IFT140: variants seen among roughly 807,000 people sequenced by gnomAD.
IFT140 encodes the protein intraflagellar transport protein 140 homolog.
In IFT140, 133 loss-of-function variants were observed where a neutral mutation model predicts 164.6. That is an observed-to-expected ratio of 0.81 (90% CI 0.70 to 0.93). The LOEUF is 0.93. Among genes scored for constraint, IFT140 ranks in the 40% least tolerant of loss-of-function variants. The probability of loss-of-function intolerance (pLI) is 0.00; values close to 1 mark genes in which losing one functional copy is unlikely to be tolerated. For synonymous variants in IFT140, 860 were observed against 817.3 expected (o/e 1.05, Z -0.89); for missense variants, 2,045 against 1,972.3 (o/e 1.04, Z -0.70).
chr16:1,604,756 A>T (rs1239772353), intron 3 of IFT140, among the ~76,000 whole-genome samples: 1 of 152,074 alleles, frequency 6.6e-6, no homozygotes, highest in Non-Finnish European at 1.5e-5. Flanking sequence ...GGCAAGCAGC[A>T]GCAGACTCGC....
chr16:1,572,919 T>G (rs1388869187), intron 13 of IFT140, among the ~76,000 whole-genome samples: 2 of 152,120 alleles, frequency 1.3e-5, no homozygotes, highest in African/African-American at 2.4e-5. Flanking sequence ...GAATGCATCC[T>G]GGGGCCAAGA....
intron 19 of IFT140, among the ~76,000 whole-genome samples, chr16:1,538,151 G>A (rs935692682): frequency 2.0e-5 from 3 of 152,188 alleles, no homozygotes; most frequent in Non-Finnish European, 2.9e-5. Context: ...AGGAAGGCTC[G>A]GGCAGGAGTG....
rs1035092384 is a variant in IFT140 at position 1,553,072 on chromosome 16, G to A, written c.2399+4863C>T. The stretch of plus-strand genomic sequence containing the variant: ...TCACTGTCATTGTTCAGGACAAAAT[G>A]GAGATAGATAAATGCTTAATTCATA... On this transcript the variant is annotated intron_variant, in intron 19 of 30. Coordinates refer to ENST00000426508, the MANE Select transcript of IFT140 (RefSeq NM_014714.4). The surrounding 1 kb of genome is among the most constrained non-coding windows in gnomAD (Gnocchi z 4.4). 2.0e-6 allele frequency: 2 copies of A among 985,300 alleles called. No individual in the cohort carries two copies. Among genetic ancestry groups the A allele is most frequent in the Admixed American group, 6.1e-5 (1 of 16,266 alleles). 61.0% of individuals were successfully genotyped at this position (985,300 alleles called of 1,614,324 possible). A position where few individuals can be genotyped will look rare whatever the true frequency, so the allele number is the denominator to read the frequency against.
chr16:1,534,122 C>T lies in IFT140; in HGVS notation c.2400-7326G>A, dbSNP rs368737142. On this transcript the variant is annotated intron_variant, in intron 19 of 30. Transcript: ENST00000426508. ...GATAAGGCCGGGCCGAGAGGCGGCA[C>T]ACCTGGACCATCCCATGGGCCTCCG... The T allele has an allele frequency of 6.6e-5, 62 of 935,910 alleles. No homozygotes were observed. The East Asian group carries it at 8.2e-4, about 12-fold the overall frequency. The allele number at this position is 935,910 out of a possible 1,614,324, so 58.0% of individuals were successfully genotyped here. A position where few individuals can be genotyped will look rare whatever the true frequency, so the allele number is the denominator to read the frequency against.
intron 19 of IFT140, among the ~76,000 whole-genome samples, chr16:1,537,081 C>T (rs896009556): frequency 2.0e-5 from 3 of 152,244 alleles, no homozygotes; most frequent in Non-Finnish European, 4.4e-5. Flanking sequence ...CTTGTAAAAT[C>T]ACCCAGCACG....
In IFT140 at chr16:1,516,749, G is replaced by T. The variant is rs1185535871; in HGVS notation, c.4182+1467C>A. ...TGCACCACCGCACTCCAGCCTGGGC[G>T]ACAGAGCGACACTCTGTCTCAAAAA... On this transcript the variant is annotated intron_variant, in intron 30 of 30. Transcript: ENST00000426508. 3.0e-5 allele frequency among the ~76,000 whole-genome samples: 4 copies of T among 131,836 alleles called. No homozygotes were observed. The Admixed American group carries it at 3.4e-4, about 11-fold the overall frequency. The allele number at this position is 131,836 out of a possible 152,430, so 86.5% of individuals were successfully genotyped here.
intron 12 of IFT140, among the ~76,000 whole-genome samples, chr16:1,581,705 G>A (rs2034566045): frequency 7.0e-6 from 1 of 142,002 alleles, no homozygotes; most frequent in Non-Finnish European, 1.5e-5. Flanking sequence ...CTTGCTCCTA[G>A]GGAGTCTACA....
intron 7 of IFT140, among the ~76,000 whole-genome samples, chr16:1,589,127 G>C (rs373137081): frequency 3.3e-5 from 5 of 152,332 alleles, no homozygotes; most frequent in African/African-American, 1.2e-4. Flanking sequence ...GTAAAGGCCC[G>C]AATGAACACT....
At chr16:1,552,886 C>T in intron 19 of IFT140, 1 of 809,144 alleles carries the variant, frequency 1.2e-6, no homozygotes, top group East Asian at 1.3e-4. Flanking sequence ...AACTCGTGAC[C>T]TCGTGATCCA....
In IFT140 at chr16:1,600,868, T is replaced by C. The variant is rs142440401; in HGVS notation, c.369+1502A>G. 3.4e-5 allele frequency among the ~76,000 whole-genome samples: 5 copies of C among 148,500 alleles called. No individual in the cohort carries two copies. The East Asian group carries it at 7.9e-4, about 23-fold the overall frequency. ...TCTATAAAACAACCAGTCTACATCC[T>C]CAAAATGTAAATTTCATGAAAGACC... On this transcript the variant is annotated intron_variant, in intron 4 of 30. Coordinates refer to ENST00000426508, the MANE Select transcript of IFT140 (RefSeq NM_014714.4).
At position 1,564,405 on chromosome 16, in the gene IFT140, G is replaced by A. The variant is rs761932444; in HGVS notation, c.1902-243C>T. ...TTTGAAAGAACCACAAAAAGATGAC[G>A]CTTTGATTCTGGAGGCCTTATGGGG... is the stretch of plus-strand genomic sequence containing the variant. On this transcript the variant is annotated intron_variant, in intron 16 of 30. Transcript: ENST00000426508. This position sits in a 1 kb window ranked among gnomAD's most constrained non-coding sequence, Gnocchi z 5.5. Among the ~76,000 whole-genome samples the A allele has an allele frequency of 4.6e-5, 7 of 152,306 alleles. No homozygotes were observed. Among genetic ancestry groups the A allele is most frequent in the South Asian group, 2.1e-4 (1 of 4,828 alleles).
intron 19 of IFT140, among the ~76,000 whole-genome samples, chr16:1,539,216 G>A (rs986647066): frequency 3.4e-5 from 5 of 146,182 alleles, no homozygotes; most frequent in Non-Finnish European, 7.5e-5. Context: ...CGGTGCCAAC[G>A]CCGACCCAAG....
intron 13 of IFT140, chr16:1,577,390 T>C (rs2034330691): frequency 6.6e-6 from 1 of 152,236 alleles, no homozygotes; most frequent in African/African-American, 2.4e-5. Context: ...ATGTAATACA[T>C]AGAACATATG....
rs551132292 is a variant in IFT140 at position 1,531,990 on chromosome 16, G to A, written c.2400-5194C>T. On this transcript the variant is annotated intron_variant, in intron 19 of 30. Transcript: ENST00000426508. This position sits in a 1 kb window ranked among gnomAD's most constrained non-coding sequence, Gnocchi z 4.7. The stretch of plus-strand genomic sequence containing the variant: ...ATTAATGGTTTAGTTAATTAAGGAG[G>A]AAATAAATTCTTCCCCCATGGAAAC... 11 of 152,382 alleles carry A rather than the reference G, an allele frequency of 7.2e-5. No individual in the cohort carries two copies. The highest frequency in any genetic ancestry group is 7.2e-4 in the Admixed American group (11 of 15,304). 9.4% of individuals were successfully genotyped at this position (152,382 alleles called of 1,614,324 possible).
chr16:1,541,478 C>A (rs951232892), intron 19 of IFT140: 1 of 985,412 alleles, frequency 1.0e-6, no homozygotes, highest in Non-Finnish European at 1.2e-6. Context: ...GAGCTGGCCC[C>A]CCGCGGAGTC....
At chr16:1,573,035 G>A (rs535824305) in intron 13 of IFT140, among the ~76,000 whole-genome samples, 2 of 152,156 alleles carry the variant, frequency 1.3e-5, no homozygotes, top group African/African-American at 2.4e-5. Flanking sequence ...TAGTGGGCAC[G>A]GAAATCTAAA....
chr16:1,538,974 C>G (rs529221055), intron 19 of IFT140, among the ~76,000 whole-genome samples: 22 of 152,268 alleles, frequency 1.4e-4, no homozygotes, highest in African/African-American at 5.1e-4. Flanking sequence ...GCGCCCCCTA[C>G]CTCAGGCCTC....
chr16:1,546,048 G>A (rs994157578), intron 19 of IFT140, among the ~76,000 whole-genome samples: 7 of 152,200 alleles, frequency 4.6e-5, no homozygotes, highest in African/African-American at 1.2e-4. Flanking sequence ...TCTCCTCCTC[G>A]TGGCCTCTTT....
At chr16:1,598,832 C>A (rs1460103681) in intron 4 of IFT140, among the ~76,000 whole-genome samples, 1 of 151,250 alleles carries the variant, frequency 6.6e-6, no homozygotes. Flanking sequence ...TGCCCGGCCG[C>A]CACCCCGTCT....
Sources: gnomAD v4.1 joint callset for allele counts (sites outside exome capture counted in the v4.1 genomes callset) on GRCh38, gnomAD v4.1.1 for gene constraint, Gnocchi (gnomAD v3.1) non-coding constraint, MANE v1.5 for transcripts, NCBI Gene and HGNC (gene_info 2026-07-23, HGNC 2026-07-21) for gene names.